NFAT5: variants seen among roughly 807,000 people sequenced by gnomAD.
NFAT5 encodes the protein nuclear factor of activated T-cells 5.
NFAT5 carries 31 observed loss-of-function variants against 166.5 expected under a neutral mutation model. The ratio of observed to expected loss-of-function variants is 0.19; its 90% CI spans 0.14 to 0.25. NFAT5 has a LOEUF of 0.25. Among genes scored for constraint, NFAT5 ranks in the 10% least tolerant of loss-of-function variants. NFAT5 has a pLI of 1.00. For synonymous variants in NFAT5, 612 were observed against 639.7 expected (o/e 0.96, Z 0.65); for missense variants, 1,449 against 1,821.8 (o/e 0.80, Z 3.72).
chr16:69,687,296 C>T (rs1359893724), intron 11 of NFAT5, among the ~76,000 whole-genome samples: 1 of 151,992 alleles, frequency 6.6e-6, no homozygotes, highest in Non-Finnish European at 1.5e-5. Context: ...AAAAAATTAG[C>T]TGGGCGTGGT....
At chr16:69,599,939 T>C (rs748645114) in intron 2 of NFAT5, among the ~76,000 whole-genome samples, 1 of 151,972 alleles carries the variant, frequency 6.6e-6, no homozygotes, top group Non-Finnish European at 1.5e-5. Flanking sequence ...TGCTGAGGAG[T>C]GATGTCATCT....
intron 7 of NFAT5, among the ~76,000 whole-genome samples, chr16:69,662,450 C>CTTTCTT (rs1399691895): frequency 1.4e-4 from 14 of 96,996 alleles, no homozygotes; most frequent in African/African-American, 5.0e-4. Flanking sequence ...ACACCTCTTT[C>CTTTCTT]TTTTTTTTTT....
intron 2 of NFAT5, among the ~76,000 whole-genome samples, chr16:69,606,496 G>A (rs187423386): frequency 1.3e-5 from 2 of 151,448 alleles, no homozygotes; most frequent in Admixed American, 1.3e-4. Context: ...TTTTTAAACT[G>A]TGCAGGCGAA....
intron 2 of NFAT5, among the ~76,000 whole-genome samples, chr16:69,579,559 G>A (rs1184726772): frequency 1.3e-5 from 2 of 152,014 alleles, no homozygotes; most frequent in Non-Finnish European, 2.9e-5. Context: ...CATACTTACA[G>A]TGTAAACTAT....
At chr16:69,592,178 C>G (rs1223946079) in intron 2 of NFAT5, among the ~76,000 whole-genome samples, 1 of 147,446 alleles carries the variant, frequency 6.8e-6, no homozygotes, top group East Asian at 2.0e-4. Flanking sequence ...CTCCTGAGTT[C>G]AAGCAATTTT....
chr16:69,688,224 A>AC (rs1487679767), intron 11 of NFAT5, among the ~76,000 whole-genome samples: 1 of 140,680 alleles, frequency 7.1e-6, no homozygotes, highest in Non-Finnish European at 1.5e-5. Flanking sequence ...AAAAAAAAAA[A>AC]AACCAGGAGT....
Position 69,587,579 on chromosome 16 carries a change from G to A in NFAT5, c.127+19031G>A, listed in dbSNP as rs140346748. Among the ~76,000 whole-genome samples, 1,375 of 151,950 alleles carry A rather than the reference G, an allele frequency of 9.0e-3. 20 individuals are homozygous for A. Among genetic ancestry groups the A allele is most frequent in the African/African-American group, 0.032 (1,318 of 41,398 alleles). ...AATTTTTATATTTTTAGTAGAGATAGGGTTTTGTCATGTTGGCCAGGCTGG... is the reference window on the plus strand; with the variant it reads ...AATTTTTATATTTTTAGTAGAGATAAGGTTTTGTCATGTTGGCCAGGCTGG... On this transcript the variant is annotated intron_variant, in intron 2 of 14. Transcript: ENST00000349945.
chr16:69,658,602 A>G (rs1331806604), intron 6 of NFAT5, among the ~76,000 whole-genome samples: 8 of 152,066 alleles, frequency 5.3e-5, no homozygotes, highest in Non-Finnish European at 1.2e-4. Context: ...GCTGAGGTGG[A>G]CAGATCTCTT....
chr16:69,629,415 GT>G (rs1465819374), intron 3 of NFAT5, among the ~76,000 whole-genome samples: 1 of 152,074 alleles, frequency 6.6e-6, no homozygotes, highest in Non-Finnish European at 1.5e-5. Flanking sequence ...AGAATATTGG[GT>G]AAAAGAGCGT....
intron 2 of NFAT5, among the ~76,000 whole-genome samples, chr16:69,607,278 A>G (rs562537568): frequency 2.0e-4 from 31 of 152,328 alleles, no homozygotes; most frequent in Admixed American, 7.8e-4. Flanking sequence ...CCTCTTATTT[A>G]TTATAAACAA....
chr16:69,569,431 A>G (rs2016305282), intron 2 of NFAT5, among the ~76,000 whole-genome samples: 1 of 152,270 alleles, frequency 6.6e-6, no homozygotes, highest in African/African-American at 2.4e-5. Context: ...ACCAGTAACA[A>G]ACATTTTATG....
chr16:69,614,976 A>G (rs2033873939), intron 2 of NFAT5, among the ~76,000 whole-genome samples: 1 of 149,712 alleles, frequency 6.7e-6, no homozygotes, highest in Non-Finnish European at 1.5e-5. Context: ...TCCTGGGTTC[A>G]AGCAATTCTT....
intron 2 of NFAT5, among the ~76,000 whole-genome samples, chr16:69,604,540 G>A (rs950376973): frequency 1.3e-5 from 2 of 152,136 alleles, no homozygotes; most frequent in African/African-American, 4.8e-5. Context: ...AGGCCCCAGT[G>A]TCTGTTCCTC....
Position 69,653,434 on chromosome 16 carries a change from T to C in NFAT5, c.1005+6T>C. 1 of 1,480,420 alleles carries C rather than the reference T, an allele frequency of 6.8e-7. No individual in the cohort carries two copies. The highest frequency in any genetic ancestry group is 9.0e-7 in the Non-Finnish European group (1 of 1,111,938). The allele number at this position is 1,480,420 out of a possible 1,614,324, so 91.7% of individuals were successfully genotyped here. A position where few individuals can be genotyped will look rare whatever the true frequency, so the allele number is the denominator to read the frequency against. On this transcript the variant is annotated splice_donor_region_variant and intron_variant, in intron 5 of 14. Transcript: ENST00000349945. ...AAGGCTTTCCTACAGTAAAGGTATT[T>C]ACTTTATTTATCATTTGAATTTTAG...
intron 2 of NFAT5, 28 bp downstream of exon 2, chr16:69,568,576 T>C (rs770348177): frequency 1.9e-6 from 3 of 1,585,354 alleles, no homozygotes; most frequent in South Asian, 1.1e-5. Context: ...TTAAAGCATA[T>C]TGTGTTAGTA....
chr16:69,600,420 G>A (rs2033064914), intron 2 of NFAT5, among the ~76,000 whole-genome samples: 1 of 152,100 alleles, frequency 6.6e-6, no homozygotes, highest in Non-Finnish European at 1.5e-5. Flanking sequence ...ACTAAGTAAG[G>A]ATGGTTGTGA....
At chr16:69,604,414 A>G (rs2033296691) in intron 2 of NFAT5, among the ~76,000 whole-genome samples, 1 of 152,186 alleles carries the variant, frequency 6.6e-6, no homozygotes, top group Non-Finnish European at 1.5e-5. Context: ...TTATATAGGT[A>G]AACTCGGATT....
Position 69,693,656 on chromosome 16 carries a change from A to G in NFAT5, c.3831A>G (p.Gln1277=), listed in dbSNP as rs988369327. 1.2e-6 allele frequency: 2 copies of G among 1,614,202 alleles called. No homozygotes were observed. Among genetic ancestry groups the G allele is most frequent in the South Asian group, 1.1e-5 (1 of 91,086 alleles). The change falls in exon 13 of 15, where the codon CAA becomes CAG. Residue 1277 remains glutamine, a synonymous_variant. Transcript: ENST00000349945. ...AGCAGCAGCAGCAACAGCAGCAGCA[A>G]CAGCAGCAGCAACAACAACAGAGCA... ...EQQQQQQQQQ[Q]QQQQQQQSIL...
intron 2 of NFAT5, among the ~76,000 whole-genome samples, chr16:69,605,762 G>A (rs957257097): frequency 2.6e-5 from 4 of 151,324 alleles, no homozygotes; most frequent in Non-Finnish European, 4.4e-5. Flanking sequence ...GCAGGACTGC[G>A]GACTGCAGTG....
Sources: gnomAD v4.1 joint callset for allele counts (sites outside exome capture counted in the v4.1 genomes callset) on GRCh38, gnomAD v4.1.1 for gene constraint, MANE v1.5 for transcripts, NCBI Gene and HGNC (gene_info 2026-07-23, HGNC 2026-07-21) for gene names.